PLEKHG3: variants seen among roughly 807,000 people sequenced by gnomAD.
The protein encoded by PLEKHG3 is pleckstrin homology domain-containing family G member 3.
Under a neutral mutation model 94.9 loss-of-function variants are expected in PLEKHG3, and 62 were observed. The observed-to-expected ratio is 0.65, with a 90% CI of 0.53 to 0.81. PLEKHG3 has a LOEUF of 0.81. Among genes scored for constraint, PLEKHG3 ranks in the 30% least tolerant of loss-of-function variants. The pLI, the probability that PLEKHG3 is intolerant of heterozygous loss-of-function variation, is 0.00. For synonymous variants in PLEKHG3, 614 were observed against 654.0 expected (o/e 0.94, Z 0.93); for missense variants, 1,461 against 1,619.3 (o/e 0.90, Z 1.68).
Position 64,739,679 on chromosome 14 carries a change from T to C in PLEKHG3, c.1518+824T>C, listed in dbSNP as rs2081646152. On this transcript the variant is annotated intron_variant, in intron 15 of 16. Transcript: ENST00000247226. This position sits in a 1 kb window ranked among gnomAD's most constrained non-coding sequence, Gnocchi z 4.1. ...GAGGCTGGAAATTCTAAGGTCAAGATGCCAGCAGACCCTGGGGAGGGCTTG... is the reference window on the plus strand; with the variant it reads ...GAGGCTGGAAATTCTAAGGTCAAGACGCCAGCAGACCCTGGGGAGGGCTTG... Among the ~76,000 whole-genome samples the C allele has an allele frequency of 6.6e-6, 1 of 152,270 alleles. No individual in the cohort carries two copies. The highest frequency in any genetic ancestry group is 2.1e-4 in the South Asian group (1 of 4,836).
chr14:64,744,786 T>C lies in PLEKHG3; in HGVS notation c.*1083T>C, dbSNP rs994382167. ...GAAGACAAGGATTTTTTTTTTTTTT[T>C]TTTTTGAGACAGAGTCTTATTCTGT... On this transcript the variant is annotated 3_prime_UTR_variant, in exon 17 of 17. Transcript: ENST00000247226. The C allele has an allele frequency of 1.3e-5, 2 of 150,296 alleles. No homozygotes were observed. Among genetic ancestry groups the C allele is most frequent in the Non-Finnish European group, 3.0e-5 (2 of 67,678 alleles). The allele number at this position is 150,296 out of a possible 1,614,324, so 9.3% of individuals were successfully genotyped here.
At chr14:64,712,282 T>C (rs2081075345) in intron 1 of PLEKHG3, among the ~76,000 whole-genome samples, 1 of 152,186 alleles carries the variant, frequency 6.6e-6, no homozygotes, top group Non-Finnish European at 1.5e-5. Context: ...CTTGGTTCTT[T>C]TTCAAGGTTG....
rs2081337142 is a variant in PLEKHG3 at position 64,725,659 on chromosome 14, C to T, written c.-39-1934C>T. On this transcript the variant is annotated intron_variant, in intron 1 of 16. Transcript: ENST00000247226. This position sits in a 1 kb window ranked among gnomAD's most constrained non-coding sequence, Gnocchi z 5.0. ...ACCAAAATGATCCTGCTAATTAGCC[C>T]TCTGGGCATTGCACTGGGCTGCGGA... 6.6e-6 allele frequency among the ~76,000 whole-genome samples: 1 copy of T among 152,200 alleles called. No individual in the cohort carries two copies. The highest frequency in any genetic ancestry group is 2.4e-5 in the African/African-American group (1 of 41,440).
rs946358460 is a variant in PLEKHG3, at chr14:64,746,709, C to T, written c.*3006C>T. The T allele has an allele frequency of 5.2e-5, 8 of 152,424 alleles. No homozygotes were observed. Among genetic ancestry groups the T allele is most frequent in the African/African-American group, 1.9e-4 (8 of 41,400 alleles). The allele number at this position is 152,424 out of a possible 1,614,324, so 9.4% of individuals were successfully genotyped here. A position where few individuals can be genotyped will look rare whatever the true frequency, so the allele number is the denominator to read the frequency against. On this transcript the variant is annotated 3_prime_UTR_variant, in exon 17 of 17. Coordinates refer to ENST00000247226, the MANE Select transcript of PLEKHG3 (RefSeq NM_001308147.2). The surrounding 1 kb of genome is among the most constrained non-coding windows in gnomAD (Gnocchi z 4.9). ...TAAGGACCCTCCACACCTCCCACAG[C>T]CAGAGTCAGTTGAGGCTGGGACAAA...
At position 64,731,195 on chromosome 14, in the gene PLEKHG3, G is replaced by C. The variant is rs2081455108; in HGVS notation, c.849+26G>C. On this transcript the variant is annotated intron_variant, in intron 7 of 16. Coordinates refer to ENST00000247226, the MANE Select transcript of PLEKHG3 (RefSeq NM_001308147.2). The surrounding 1 kb of genome is among the most constrained non-coding windows in gnomAD (Gnocchi z 6.1). ...GTGCTCTGGGGCTGGGACGCTGGGGGAGGGGCAGGGCTGGGTGGGCCAGGC... is the reference window on the plus strand; with the variant it reads ...GTGCTCTGGGGCTGGGACGCTGGGGCAGGGGCAGGGCTGGGTGGGCCAGGC... 2 of 1,554,284 alleles carry C rather than the reference G, an allele frequency of 1.3e-6. No individual in the cohort carries two copies. The highest frequency in any genetic ancestry group is 1.8e-6 in the Non-Finnish European group (2 of 1,129,386).
Position 64,750,189 on chromosome 14 carries a change from C to A in PLEKHG3, c.*6486C>A. ...TGCAGACAGGCAGGTCACCCACATC[C>A]TGATATGGTATCTCTAGAGTCAATT... On this transcript the variant is annotated 3_prime_UTR_variant, in exon 17 of 17. Transcript: ENST00000247226. 6.2e-7 allele frequency: 1 copy of A among 1,604,512 alleles called. No individual in the cohort carries two copies. Among genetic ancestry groups the A allele is most frequent in the Non-Finnish European group, 8.5e-7 (1 of 1,172,820 alleles).
chr14:64,704,991 G>A lies in PLEKHG3; in HGVS notation c.-40+287G>A, dbSNP rs777661601. Reference sequence around the variant, plus strand: ...GGGGCAAATGCGCCGGGCGGCTCCAGAGAGGCTCAGTTTGAAATCCAGGAA... The same window carrying A: ...GGGGCAAATGCGCCGGGCGGCTCCAAAGAGGCTCAGTTTGAAATCCAGGAA... On this transcript the variant is annotated intron_variant, in intron 1 of 16. Transcript: ENST00000247226. The surrounding 1 kb of genome is among the most constrained non-coding windows in gnomAD (Gnocchi z 5.6). Among the ~76,000 whole-genome samples, 12 of 152,180 alleles carry A rather than the reference G, an allele frequency of 7.9e-5. No individual in the cohort carries two copies. The highest frequency in any genetic ancestry group is 1.8e-4 in the Non-Finnish European group (12 of 68,028).
chr14:64,734,479 G>A (rs1234535980), intron 12 of PLEKHG3, among the ~76,000 whole-genome samples: 2 of 152,106 alleles, frequency 1.3e-5, no homozygotes, highest in East Asian at 3.8e-4. Context: ...ACTTAAAGCC[G>A]TTGAATTGTA....
rs761679880 is a variant in PLEKHG3 at position 64,743,341 on chromosome 14, A to G, written c.3298A>G (p.Ser1100Gly). Residue 1100 changes from serine (S) to glycine (G), a missense_variant, in exon 17 of 17, where the codon AGC (serine) becomes GGC (glycine). Transcript: ENST00000247226. The surrounding 1 kb of genome is among the most constrained non-coding windows in gnomAD (Gnocchi z 7.2). ...PLSGRVGRCR[S>G]LSTKRGRGGG... ...GTCGGGCAGGGTGGGCCGCTGCCGC[A>G]GCCTGAGCACCAAGAGGGGCCGGGG... 6.8e-6 allele frequency: 11 copies of G among 1,607,840 alleles called. No homozygotes were observed. The African/African-American group carries it at 1.5e-4, about 21-fold the overall frequency.
rs368387962 is a variant in PLEKHG3 at position 64,743,470 on chromosome 14, C to T, written c.3427C>T (p.Arg1143Trp). 95 of 1,613,028 alleles carry T rather than the reference C, an allele frequency of 5.9e-5. No homozygotes were observed. The highest frequency in any genetic ancestry group is 6.6e-5 in the Non-Finnish European group (78 of 1,179,992). Residue 1143 changes from arginine (R) to tryptophan (W), a missense_variant, in exon 17 of 17, where the codon CGG becomes TGG. Physicochemically the swap from Arg to Trp is moderately radical, Grantham distance 101 (BLOSUM62 -3). Coordinates refer to ENST00000247226, the MANE Select transcript of PLEKHG3 (RefSeq NM_001308147.2). The surrounding 1 kb of genome is among the most constrained non-coding windows in gnomAD (Gnocchi z 7.2). ...AGACCTCACCCTGGAGGACAACCGG[C>T]GGGTGATTGTCATGGAGAAGGGACC... ...TADLTLEDNR[R>W]VIVMEKGPLP...
In PLEKHG3 at chr14:64,722,093, C is replaced by T. The variant is rs1234991909; in HGVS notation, c.-39-5500C>T. On this transcript the variant is annotated intron_variant, in intron 1 of 16. Coordinates refer to ENST00000247226, the MANE Select transcript of PLEKHG3 (RefSeq NM_001308147.2). The surrounding 1 kb of genome is among the most constrained non-coding windows in gnomAD (Gnocchi z 4.3). ...GGATTGTTTGGGGGAAGGACAAAAG[C>T]CGCTGGGCCACCCTGGCTTTGAGAG... Among the ~76,000 whole-genome samples the T allele has an allele frequency of 6.6e-6, 1 of 152,206 alleles. No individual in the cohort carries two copies. The highest frequency in any genetic ancestry group is 1.5e-5 in the Non-Finnish European group (1 of 68,032).
At position 64,725,116 on chromosome 14, in the gene PLEKHG3, A is replaced by G. The variant is rs905481683; in HGVS notation, c.-39-2477A>G. ...GGGTTTGAAGTGTGCTTATGTTGCT[A>G]TCCTCTTACAGTGGGATCCCCAGAG... is the stretch of plus-strand genomic sequence containing the variant. On this transcript the variant is annotated intron_variant, in intron 1 of 16. Transcript: ENST00000247226. The surrounding 1 kb of genome is among the most constrained non-coding windows in gnomAD (Gnocchi z 5.0). Among the ~76,000 whole-genome samples the G allele has an allele frequency of 6.6e-6, 1 of 152,232 alleles. No homozygotes were observed. Among genetic ancestry groups the G allele is most frequent in the Non-Finnish European group, 1.5e-5 (1 of 68,042 alleles).
chr14:64,740,821 G>C (rs965663303), intron 15 of PLEKHG3, among the ~76,000 whole-genome samples: 1 of 152,172 alleles, frequency 6.6e-6, no homozygotes, highest in Admixed American at 6.5e-5. Flanking sequence ...TGAGGACATG[G>C]GCCCAGCACC....
Position 64,726,371 on chromosome 14 carries a change from C to T in PLEKHG3, c.-39-1222C>T, listed in dbSNP as rs1022599873. On this transcript the variant is annotated intron_variant, in intron 1 of 16. Coordinates refer to ENST00000247226, the MANE Select transcript of PLEKHG3 (RefSeq NM_001308147.2). The surrounding 1 kb of genome is among the most constrained non-coding windows in gnomAD (Gnocchi z 5.1). Reference sequence around the variant, plus strand: ...GCCCTAGAGCTAGGGGTAGAAGACTCGGGTCAGTAGGGGTGAGAGGGATGC... The same window carrying T: ...GCCCTAGAGCTAGGGGTAGAAGACTTGGGTCAGTAGGGGTGAGAGGGATGC... Among the ~76,000 whole-genome samples the T allele has an allele frequency of 1.2e-4, 18 of 152,058 alleles. No individual in the cohort carries two copies. Among genetic ancestry groups the T allele is most frequent in the Non-Finnish European group, 2.2e-4 (15 of 68,010 alleles).
At chr14:64,714,571 A>T (rs900366606) in intron 1 of PLEKHG3, among the ~76,000 whole-genome samples, 1 of 152,182 alleles carries the variant, frequency 6.6e-6, no homozygotes, top group Non-Finnish European at 1.5e-5. Context: ...GATGTGTCTT[A>T]TTCACTGCTG....
Position 64,749,439 on chromosome 14 carries a change from G to A in PLEKHG3, c.*5736G>A, listed in dbSNP as rs1468529946. On this transcript the variant is annotated 3_prime_UTR_variant, in exon 17 of 17. Coordinates refer to ENST00000247226, the MANE Select transcript of PLEKHG3 (RefSeq NM_001308147.2). This position sits in a 1 kb window ranked among gnomAD's most constrained non-coding sequence, Gnocchi z 4.7. ...GATGCTCTGGGACTCGTTGATGGCG[G>A]TGCTCACGCCCTGCAGCCAGGACAG... 4 of 1,603,442 alleles carry A rather than the reference G, an allele frequency of 2.5e-6. No individual in the cohort carries two copies. Among genetic ancestry groups the A allele is most frequent in the Non-Finnish European group, 2.5e-6 (3 of 1,178,976 alleles).
intron 1 of PLEKHG3, among the ~76,000 whole-genome samples, chr14:64,709,053 C>G (rs2081023366): frequency 6.6e-6 from 1 of 152,218 alleles, no homozygotes; most frequent in African/African-American, 2.4e-5. Flanking sequence ...GGGGGCCCAT[C>G]TAGAGCTGCT....
chr14:64,709,678 G>A (rs996291683), intron 1 of PLEKHG3, among the ~76,000 whole-genome samples: 1 of 151,922 alleles, frequency 6.6e-6, no homozygotes, highest in Admixed American at 6.6e-5. Flanking sequence ...GGTTTCTACA[G>A]GTGCCGGAAG....
rs2081294088 is a variant in PLEKHG3, at chr14:64,723,187, T to C, written c.-39-4406T>C. Among the ~76,000 whole-genome samples, 1 of 151,974 alleles carries C rather than the reference T, an allele frequency of 6.6e-6. No individual in the cohort carries two copies. Among genetic ancestry groups the C allele is most frequent in the East Asian group, 1.9e-4 (1 of 5,170 alleles). ...GTGTGGTGTGGTTTAGGCTTAAATT[T>C]AAAGAAAAAGAAAAGAAACCTCCCT... On this transcript the variant is annotated intron_variant, in intron 1 of 16. Transcript: ENST00000247226. This position sits in a 1 kb window ranked among gnomAD's most constrained non-coding sequence, Gnocchi z 4.5.
Sources: allele counts gnomAD v4.1 joint callset (sites outside exome capture counted in the v4.1 genomes callset), GRCh38; gene constraint gnomAD v4.1.1; non-coding constraint Gnocchi (gnomAD v3.1); transcripts MANE v1.5; gene names NCBI Gene and HGNC (gene_info 2026-07-23, HGNC 2026-07-21).